The following TANC2 variants were observed in gnomAD, a reference collection of about 807,000 sequenced individuals.
TANC2 encodes tetratricopeptide repeat, ankyrin repeat and coiled-coil containing 2.
TANC2 carries 26 observed loss-of-function variants against 210.5 expected under a neutral mutation model. The observed-to-expected ratio is 0.12, with a 90% CI of 0.09 to 0.17. The LOEUF (loss-of-function observed/expected upper bound fraction) is 0.17, where lower values mean the gene tolerates loss of function less well. Ranked by LOEUF, TANC2 falls within the 10% of genes least tolerant of loss-of-function variation. The pLI is 1.00. For synonymous variants in TANC2, 931 were observed against 967.1 expected, an observed-to-expected ratio of 0.96 and a Z score of 0.69; for missense variants, 2,129 against 2,608.9, an observed-to-expected ratio of 0.82 and a Z score of 4.01.
At chr17:62,996,319 C>T (rs2033104670) in intron 1 of TANC2, among the ~76,000 whole-genome samples, 1 of 152,174 alleles carries the variant, frequency 6.6e-6, no homozygotes, top group Non-Finnish European at 1.5e-5. Context: ...AGATTAAAAA[C>T]CTCACTTAGG....
At chr17:63,110,386 A>AT (rs760133395) in intron 4 of TANC2, among the ~76,000 whole-genome samples, 1 of 151,976 alleles carries the variant, frequency 6.6e-6, no homozygotes, top group Admixed American at 6.5e-5. Context: ...AATGGAGAAC[A>AT]TTAAAGCAAA....
At chr17:63,054,383 T>G (rs1434121449) in intron 2 of TANC2, among the ~76,000 whole-genome samples, 1 of 152,168 alleles carries the variant, frequency 6.6e-6, no homozygotes, top group East Asian at 1.9e-4. Context: ...TTTTTGTTTT[T>G]TTCTTTTGAG....
chr17:63,225,717 C>G (rs1299400367), intron 7 of TANC2, among the ~76,000 whole-genome samples: 1 of 152,160 alleles, frequency 6.6e-6, no homozygotes, highest in Non-Finnish European at 1.5e-5. Flanking sequence ...CAAGTCCATT[C>G]ATTATTTTTC....
At chr17:63,073,088 T>G (rs763018402) in intron 2 of TANC2, among the ~76,000 whole-genome samples, 3 of 152,114 alleles carry the variant, frequency 2.0e-5, no homozygotes, top group Non-Finnish European at 4.4e-5. Flanking sequence ...AGGAAATTGT[T>G]TGATGCCTTA....
intron 14 of TANC2, among the ~76,000 whole-genome samples, chr17:63,373,065 T>C (rs544040822): frequency 4.0e-5 from 6 of 151,876 alleles, no homozygotes; most frequent in Non-Finnish European, 8.8e-5. Context: ...CGCCTAATTT[T>C]TTAAATTTTT....
chr17:63,324,624 A>T (rs1371023177), intron 11 of TANC2, among the ~76,000 whole-genome samples: 1 of 152,226 alleles, frequency 6.6e-6, no homozygotes, highest in African/African-American at 2.4e-5. Context: ...CCCATAGATG[A>T]TGTTTTATAA....
In TANC2 at chr17:63,421,553, G is replaced by T. The variant is rs776631036; in HGVS notation, c.5823G>T (p.Gln1941His). 1 of 1,614,004 alleles carries T rather than the reference G, an allele frequency of 6.2e-7. No homozygotes were observed. Among genetic ancestry groups the T allele is most frequent in the Admixed American group, 1.7e-5 (1 of 60,026 alleles). ...TAGATAAAACAGCACGGACTCAGCAGTACCCCCACCTCCACCAGCAGAATC... is the reference window on the plus strand; with the variant it reads ...TAGATAAAACAGCACGGACTCAGCATTACCCCCACCTCCACCAGCAGAATC... The change falls in exon 28 of 28, where the codon CAG becomes CAT. Residue 1941 changes from glutamine to histidine, a missense_variant. Coordinates refer to ENST00000689528, the Ensembl canonical transcript of TANC2. The surrounding 1 kb of genome is among the most constrained non-coding windows in gnomAD (Gnocchi z 6.9).
chr17:63,083,302 A>G (rs1290607203), intron 3 of TANC2, among the ~76,000 whole-genome samples: 1 of 152,220 alleles, frequency 6.6e-6, no homozygotes, highest in Admixed American at 6.5e-5. Flanking sequence ...AGCAACAGCA[A>G]TGAGGATGTA....
At chr17:63,351,480 G>T in intron 13 of TANC2, 64 bp downstream of exon 13, 1 of 1,386,902 alleles carries the variant, frequency 7.2e-7, no homozygotes, top group Non-Finnish European at 9.5e-7. Context: ...GACTGAAAAA[G>T]TTCTAGGTCC....
chr17:63,278,943 AAG>A (rs2043977410), intron 9 of TANC2, among the ~76,000 whole-genome samples: 1 of 152,260 alleles, frequency 6.6e-6, no homozygotes, highest in African/African-American at 2.4e-5. Context: ...AGCTGGGGGA[AAG>A]AGGAAATGGG....
rs1199037338 is a variant in TANC2, at chr17:63,074,776, G to C, written c.139+762G>C. On this transcript the variant is annotated intron_variant, in intron 3 of 27. Coordinates refer to ENST00000689528, the Ensembl canonical transcript of TANC2. ...TAAATAAATGGTGAATGAATGATCT[G>C]AAAGAGAATGAGTTGAGAACCCAAA... Among the ~76,000 whole-genome samples the C allele has an allele frequency of 2.6e-5, 4 of 152,120 alleles. No individual in the cohort carries two copies. The East Asian group carries it at 7.7e-4, about 29-fold the overall frequency.
chr17:63,420,565 A>G lies in TANC2; in HGVS notation c.4835A>G (p.Tyr1612Cys). The G allele has an allele frequency of 6.2e-7, 1 of 1,613,606 alleles. No homozygotes were observed. The highest frequency in any genetic ancestry group is 2.2e-5 in the East Asian group (1 of 44,846). Residue 1612 changes from tyrosine (Y) to cysteine (C), a missense_variant, in exon 28 of 28, where the codon TAC becomes TGC. This residue lies in a region of TANC2 where 584 missense variants were observed against 627.3 expected (regional missense o/e 0.93). Coordinates refer to ENST00000689528, the Ensembl canonical transcript of TANC2. The surrounding 1 kb of genome is among the most constrained non-coding windows in gnomAD (Gnocchi z 4.2). ...CCTGTGGGAGGACAGGGCAAAGAAT[A>G]CCCAAGCCCTCCCCCTTCCCCTCTC... is the stretch of plus-strand genomic sequence containing the variant.
At chr17:63,219,505 G>C (rs1598630705) in intron 7 of TANC2, among the ~76,000 whole-genome samples, 1 of 152,146 alleles carries the variant, frequency 6.6e-6, no homozygotes, top group East Asian at 1.9e-4. Flanking sequence ...CCACCTCCCA[G>C]GTTCAAACAG....
At chr17:63,097,811 A>AT (rs2037445571) in intron 3 of TANC2, among the ~76,000 whole-genome samples, 1 of 151,898 alleles carries the variant, frequency 6.6e-6, no homozygotes, top group African/African-American at 2.4e-5. Context: ...AATCCAATTG[A>AT]TTTTTTCCTT....
At chr17:63,323,630 T>C (rs748535838) in intron 11 of TANC2, among the ~76,000 whole-genome samples, 2 of 152,212 alleles carry the variant, frequency 1.3e-5, no homozygotes, top group Non-Finnish European at 2.9e-5. Flanking sequence ...TATGGAAGGC[T>C]TAATGTGTGT....
At chr17:63,342,652 T>C (rs1378910806) in intron 12 of TANC2, among the ~76,000 whole-genome samples, 1 of 150,074 alleles carries the variant, frequency 6.7e-6, no homozygotes, top group African/African-American at 2.4e-5. Flanking sequence ...GGCGGGCACC[T>C]GTAGTCCCAG....
At chr17:63,070,955 CA>C in intron 2 of TANC2, among the ~76,000 whole-genome samples, 1 of 152,158 alleles carries the variant, frequency 6.6e-6, no homozygotes, top group East Asian at 1.9e-4. Context: ...TGCAGGTTAA[CA>C]TTGTGCCTCA....
chr17:63,098,960 A>G (rs1485775491), intron 3 of TANC2, among the ~76,000 whole-genome samples: 3 of 152,200 alleles, frequency 2.0e-5, no homozygotes, highest in Non-Finnish European at 2.9e-5. Flanking sequence ...TGAACACCTT[A>G]TAAGAAGGAA....
At position 63,215,755 on chromosome 17, in the gene TANC2, A is replaced by T. The variant is rs199727729; in HGVS notation, c.769+14798A>T. 1.2e-3 allele frequency among the ~76,000 whole-genome samples: 175 copies of T among 148,520 alleles called. 1 individual carries two copies. The highest frequency in any genetic ancestry group is 3.7e-3 in the African/African-American group (151 of 40,480). On this transcript the variant is annotated intron_variant, in intron 7 of 27. Transcript: ENST00000689528. ...TTTGTTTTATTTTTATTTTATTATT[A>T]TTTTTTTTTTCTGAGACGGAGTCTC... is the stretch of plus-strand genomic sequence containing the variant.
Sources: gnomAD v4.1 joint callset for allele counts (sites outside exome capture counted in the v4.1 genomes callset) on GRCh38, gnomAD v4.1.1 for gene constraint, gnomAD v4.1.1 regional missense constraint, Gnocchi (gnomAD v3.1) non-coding constraint, MANE v1.5 for transcripts, NCBI Gene and HGNC (gene_info 2026-07-23, HGNC 2026-07-21) for gene names.